SUGCT: variants seen among roughly 807,000 people sequenced by gnomAD.
SUGCT encodes the protein succinyl-CoA:glutarate-CoA transferase.
Under a neutral mutation model 55.0 loss-of-function variants are expected in SUGCT, and 41 were observed. The ratio of observed to expected loss-of-function variants is 0.74; its 90% CI spans 0.58 to 0.97. SUGCT has a LOEUF of 0.97. Among genes scored for constraint, SUGCT ranks in the 50% least tolerant of loss-of-function variants. The pLI is 0.00. For synonymous variants in SUGCT, 187 were observed against 200.4 expected, an observed-to-expected ratio of 0.93 and a Z score of 0.56; for missense variants, 568 against 547.8, an observed-to-expected ratio of 1.04 and a Z score of -0.37.
chr7:40,318,176 T>A (rs1036650349), intron 9 of SUGCT, among the ~76,000 whole-genome samples: 2 of 152,208 alleles, frequency 1.3e-5, no homozygotes, highest in Non-Finnish European at 2.9e-5. Context: ...GCAGATGAAC[T>A]CCAACTGTGG....
Position 40,782,400 on chromosome 7 carries a change from G to C in SUGCT, c.1153+32903G>C, listed in dbSNP as rs895371039. On this transcript the variant is annotated intron_variant, in intron 13 of 13. Transcript: ENST00000335693. ...TGTTTTCTTTCTTTTCATTTTTCAGGCTGTCTATTAATACAAGCATATGCC... is the reference window on the plus strand; with the variant it reads ...TGTTTTCTTTCTTTTCATTTTTCAGCCTGTCTATTAATACAAGCATATGCC... Among the ~76,000 whole-genome samples the C allele has an allele frequency of 2.0e-5, 3 of 151,686 alleles. No homozygotes were observed. In the East Asian group the frequency reaches 5.8e-4, roughly 29 times the overall value.
intron 2 of SUGCT, among the ~76,000 whole-genome samples, chr7:40,181,659 T>C (rs1028351675): frequency 2.0e-5 from 3 of 150,658 alleles, no homozygotes; most frequent in African/African-American, 7.3e-5. Flanking sequence ...GGCAGGTGAA[T>C]GGCATGAACC....
intron 12 of SUGCT, among the ~76,000 whole-genome samples, chr7:40,696,714 C>T (rs926073639): frequency 6.6e-5 from 10 of 152,046 alleles, no homozygotes; most frequent in Admixed American, 3.3e-4. Flanking sequence ...TCATGCTCAG[C>T]GACATTTTCT....
intron 1 of SUGCT, chr7:40,154,244 G>A (rs9690073): frequency 0.036 from 5,696 of 157,888 alleles, 340 homozygotes; most frequent in African/African-American, 0.13. Flanking sequence ...GAGCAAAATA[G>A]TATTTAAAAA....
chr7:40,664,381 C>T (rs1801496283), intron 12 of SUGCT, among the ~76,000 whole-genome samples: 1 of 152,130 alleles, frequency 6.6e-6, no homozygotes, highest in African/African-American at 2.4e-5. Flanking sequence ...TAACAATAAA[C>T]AGAATTTATT....
intron 1 of SUGCT, among the ~76,000 whole-genome samples, chr7:40,149,487 G>T (rs566669768): frequency 2.6e-5 from 4 of 152,298 alleles, no homozygotes; most frequent in African/African-American, 9.6e-5. Flanking sequence ...TTAGCCATAA[G>T]ATTAGAAATT....
chr7:40,559,056 T>A lies in SUGCT; in HGVS notation c.1089+62670T>A, dbSNP rs561421125. Among the ~76,000 whole-genome samples, 137 of 152,372 alleles carry A rather than the reference T, an allele frequency of 9.0e-4. 1 individual carries two copies. The highest frequency in any genetic ancestry group is 1.8e-3 in the Admixed American group (27 of 15,304). On this transcript the variant is annotated intron_variant, in intron 12 of 13. Coordinates refer to ENST00000335693, the MANE Select transcript of SUGCT (RefSeq NM_001193313.2). ...AAAATTCTTTAGGTTTACTCAGAAT[T>A]TGCAATAATCCTGTGAGTGCAGTGA...
At chr7:40,744,583 C>G (rs1437879701) in intron 12 of SUGCT, among the ~76,000 whole-genome samples, 2 of 152,138 alleles carry the variant, frequency 1.3e-5, no homozygotes, top group Non-Finnish European at 2.9e-5. Context: ...CCAAGATCAG[C>G]CATTTAGTAA....
chr7:40,680,878 G>A (rs1190036753), intron 12 of SUGCT, among the ~76,000 whole-genome samples: 1 of 152,154 alleles, frequency 6.6e-6, no homozygotes, highest in Admixed American at 6.6e-5. Flanking sequence ...TGAGTAATGA[G>A]ATGAAGCACC....
chr7:40,280,337 G>A (rs1446066186), intron 8 of SUGCT, among the ~76,000 whole-genome samples: 1 of 152,118 alleles, frequency 6.6e-6, no homozygotes, highest in African/African-American at 2.4e-5. Flanking sequence ...TCTAAACAGT[G>A]TTCTTTAGAT....
chr7:40,975,523 CT>C, the SUGCT span, among the ~76,000 whole-genome samples: 4 of 152,168 alleles, frequency 2.6e-5, no homozygotes, highest in African/African-American at 9.7e-5. Flanking sequence ...GATACAAATA[CT>C]AGAGGTAGGC....
At chr7:40,884,675 A>G in the SUGCT span, among the ~76,000 whole-genome samples, 1 of 152,214 alleles carries the variant, frequency 6.6e-6, no homozygotes, top group South Asian at 2.1e-4. Context: ...GAAACATGAC[A>G]ATCACCTCTT....
At chr7:40,340,930 G>T (rs79692456) in intron 9 of SUGCT, among the ~76,000 whole-genome samples, 4,102 of 152,262 alleles carry the variant, frequency 0.027, 85 homozygotes, top group Non-Finnish European at 0.044. Context: ...AAGAGGTGAG[G>T]TATGTAGTAT....
intron 9 of SUGCT, among the ~76,000 whole-genome samples, chr7:40,404,441 CTT>C (rs796273282): frequency 4.9e-5 from 7 of 142,476 alleles, no homozygotes; most frequent in Non-Finnish European, 7.7e-5. Flanking sequence ...ATCCACTTGA[CTT>C]TTTTTTTTTT....
At chr7:40,987,755 T>A in the SUGCT span, among the ~76,000 whole-genome samples, 2 of 152,206 alleles carry the variant, frequency 1.3e-5, no homozygotes, top group Non-Finnish European at 1.5e-5. Context: ...TTCAACAGAA[T>A]TCCAGGCATT....
chr7:40,250,182 C>A (rs1254243758), intron 7 of SUGCT, among the ~76,000 whole-genome samples: 1 of 152,038 alleles, frequency 6.6e-6, no homozygotes, highest in African/African-American at 2.4e-5. Flanking sequence ...AGGATTGCTT[C>A]AGCTCAGGAG....
intron 12 of SUGCT, among the ~76,000 whole-genome samples, chr7:40,679,702 A>C (rs1352185711): frequency 6.6e-6 from 1 of 152,190 alleles, no homozygotes; most frequent in Non-Finnish European, 1.5e-5. Context: ...ATTTATGATT[A>C]AAAAAGCCCA....
intron 12 of SUGCT, among the ~76,000 whole-genome samples, chr7:40,565,999 A>G (rs372656028): frequency 0.11 from 16,179 of 145,150 alleles, 1,173 homozygotes; most frequent in Non-Finnish European, 0.14. Flanking sequence ...ACACGCACAC[A>G]CACACACACA....
intron 11 of SUGCT, among the ~76,000 whole-genome samples, chr7:40,465,237 A>G (rs1790037675): frequency 1.3e-5 from 2 of 152,174 alleles, no homozygotes; most frequent in South Asian, 4.1e-4. Context: ...TGCATTGTGG[A>G]GTTAAATGTC....
Sources: allele counts gnomAD v4.1 joint callset (sites outside exome capture counted in the v4.1 genomes callset), GRCh38; gene constraint gnomAD v4.1.1; transcripts MANE v1.5; gene names NCBI Gene and HGNC (gene_info 2026-07-23, HGNC 2026-07-21).